The following ANKRD55 variants were observed in gnomAD, a reference collection of about 807,000 sequenced individuals.
ANKRD55 encodes the protein ankyrin repeat domain-containing protein 55.
A neutral mutation model predicts 60.6 loss-of-function variants in ANKRD55; 41 were observed. The ratio of observed to expected loss-of-function variants is 0.68; its 90% CI spans 0.53 to 0.88. The LOEUF (loss-of-function observed/expected upper bound fraction) is 0.88. ANKRD55 is among the 40% of genes least tolerant of loss of function. The pLI, the probability that ANKRD55 is intolerant of heterozygous loss-of-function variation, is 0.00. For missense variants in ANKRD55, 732 were observed against 767.6 expected, an observed-to-expected ratio of 0.95 and a Z score of 0.55; for synonymous variants, 264 against 290.3, an observed-to-expected ratio of 0.91 and a Z score of 0.92.
At chr5:56,205,534 G>A (rs1759480562) in intron 2 of ANKRD55, among the ~76,000 whole-genome samples, 1 of 152,178 alleles carries the variant, frequency 6.6e-6, no homozygotes. Context: ...AACCCATCTT[G>A]GCAGTGTTCT....
chr5:56,155,897 C>CAT (rs1378334416), intron 6 of ANKRD55, among the ~76,000 whole-genome samples: 10 of 150,094 alleles, frequency 6.7e-5, no homozygotes, highest in South Asian at 2.1e-4. Context: ...TATACAGATA[C>CAT]ATATATATAC....
chr5:56,173,541 C>CCT (rs71578616), intron 4 of ANKRD55, among the ~76,000 whole-genome samples: 687 of 61,484 alleles, frequency 0.011, 9 homozygotes, highest in African/African-American at 0.015. Flanking sequence ...TAGAGATTCG[C>CCT]CTCTCTCTCT....
chr5:56,176,260 C>A lies in ANKRD55; in HGVS notation c.204G>T (p.Ala68=). ...CTGTGTCCGCTTGACGTCCAGAAAC[C>A]GCATGCATCAAGGGCGTGCATCCTG... ...DSEGCTPLMH[A]VSGRQADTVK... Residue 68 remains alanine (A), a synonymous_variant, in exon 4 of 12, where the codon GCG becomes GCT. Coordinates refer to ENST00000341048, the MANE Select transcript of ANKRD55 (RefSeq NM_024669.3). The A allele has an allele frequency of 1.2e-6, 2 of 1,614,204 alleles. No homozygotes were observed. Among genetic ancestry groups the A allele is most frequent in the Non-Finnish European group, 1.7e-6 (2 of 1,180,042 alleles).
chr5:56,161,453 A>T (rs1758327304), intron 5 of ANKRD55, among the ~76,000 whole-genome samples: 1 of 152,268 alleles, frequency 6.6e-6, no homozygotes, highest in Non-Finnish European at 1.5e-5. Context: ...TCAGATTGGA[A>T]GACATCTAAA....
chr5:56,167,469 G>T (rs1466455572), intron 5 of ANKRD55, among the ~76,000 whole-genome samples: 1 of 152,184 alleles, frequency 6.6e-6, no homozygotes, highest in East Asian at 1.9e-4. Context: ...GACTCTATTT[G>T]ATTTGCTGTA....
Position 56,143,821 on chromosome 5 carries a change from C to T in ANKRD55, c.592G>A (p.Ala198Thr), listed in dbSNP as rs751710930. The change falls in exon 7 of 12, where the codon GCT (alanine) becomes ACT (threonine). Residue 198 changes from alanine to threonine, a missense_variant. By Grantham distance (58) the Ala-to-Thr change is moderately conservative (BLOSUM62 0). Coordinates refer to ENST00000341048, the MANE Select transcript of ANKRD55 (RefSeq NM_024669.3). Reference sequence around the variant, plus strand: ...CTCACCTGGACTGCCCAGTGGAGAGCGGTTTTAAAGTCTTTATCCACAAGG... The same window carrying T: ...CTCACCTGGACTGCCCAGTGGAGAGTGGTTTTAAAGTCTTTATCCACAAGG... Reference protein sequence around the residue: ...PTLVDKDFKTALHWAVQSGNR... With the variant: ...PTLVDKDFKTTLHWAVQSGNR... 29 of 1,614,010 alleles carry T rather than the reference C, an allele frequency of 1.8e-5. No homozygotes were observed. Among genetic ancestry groups the T allele is most frequent in the Admixed American group, 1.2e-4 (7 of 59,984 alleles).
chr5:56,225,175 C>A (rs1172019858), intron 2 of ANKRD55, among the ~76,000 whole-genome samples: 1 of 152,172 alleles, frequency 6.6e-6, no homozygotes, highest in African/African-American at 2.4e-5. Context: ...AAGGCTGCTT[C>A]AACATACACA....
intron 5 of ANKRD55, among the ~76,000 whole-genome samples, chr5:56,165,906 G>A (rs772865843): frequency 2.0e-5 from 3 of 151,984 alleles, no homozygotes; most frequent in Non-Finnish European, 4.4e-5. Context: ...TCCAGCCTGG[G>A]CAACAAGAGT....
chr5:56,122,325 A>G (rs1009163405), intron 8 of ANKRD55, among the ~76,000 whole-genome samples: 2 of 152,040 alleles, frequency 1.3e-5, no homozygotes, highest in Non-Finnish European at 2.9e-5. Context: ...AAGGTACTGG[A>G]CGTTTGATTC....
In ANKRD55 at chr5:56,099,864, A is replaced by G. The variant is rs1237305679; in HGVS notation, c.*319T>C. Reference sequence around the variant, plus strand: ...CATTCAGCAAAAAAACAACCAAAGAACAATAACAAAAAAACAGTGCACATG... The same window carrying G: ...CATTCAGCAAAAAAACAACCAAAGAGCAATAACAAAAAAACAGTGCACATG... On this transcript the variant is annotated 3_prime_UTR_variant, in exon 12 of 12. Coordinates refer to ENST00000341048, the MANE Select transcript of ANKRD55 (RefSeq NM_024669.3). 1 of 189,100 alleles carries G rather than the reference A, an allele frequency of 5.3e-6. No homozygotes were observed. Among genetic ancestry groups the G allele is most frequent in the Non-Finnish European group, 1.1e-5 (1 of 92,176 alleles). The allele number at this position is 189,100 out of a possible 1,614,324, so 11.7% of individuals were successfully genotyped here.
At chr5:56,154,200 C>CAAAAAA (rs367809782) in intron 6 of ANKRD55, among the ~76,000 whole-genome samples, 3 of 64,308 alleles carry the variant, frequency 4.7e-5, no homozygotes, top group African/African-American at 1.9e-4. Flanking sequence ...GACTCTGTCT[C>CAAAAAA]AAAAAAAAAA....
intron 2 of ANKRD55, among the ~76,000 whole-genome samples, chr5:56,189,948 A>G (rs1429639395): frequency 1.3e-5 from 2 of 152,210 alleles, no homozygotes; most frequent in East Asian, 3.8e-4. Flanking sequence ...AAAGTGCACA[A>G]GAGTTTCAAT....
chr5:56,205,066 T>TTC (rs1457616679), intron 2 of ANKRD55, among the ~76,000 whole-genome samples: 2 of 151,718 alleles, frequency 1.3e-5, no homozygotes, highest in African/African-American at 4.8e-5. Context: ...TTTTCTTTCT[T>TTC]TTTTTTTCTT....
chr5:56,204,423 C>T (rs551299509), intron 2 of ANKRD55, among the ~76,000 whole-genome samples: 39 of 152,230 alleles, frequency 2.6e-4, no homozygotes, highest in African/African-American at 9.1e-4. Context: ...TGAATGGTAT[C>T]GCCTAGGTTT....
intron 2 of ANKRD55, among the ~76,000 whole-genome samples, chr5:56,199,435 T>C (rs896679408): frequency 1.3e-5 from 2 of 152,208 alleles, no homozygotes; most frequent in African/African-American, 4.8e-5. Context: ...GTGTTATGAA[T>C]GGTTTAAAAA....
chr5:56,118,418 G>T (rs999465087), intron 8 of ANKRD55, among the ~76,000 whole-genome samples: 5 of 152,132 alleles, frequency 3.3e-5, no homozygotes, highest in Admixed American at 2.6e-4. Flanking sequence ...AAGGTCAGGA[G>T]ATCGAGACCA....
chr5:56,166,099 T>TTTCTTTCTTTCTTTC (rs1367895381), intron 5 of ANKRD55, among the ~76,000 whole-genome samples: 2,457 of 37,980 alleles, frequency 0.065, 168 homozygotes, highest in Admixed American at 0.099. Flanking sequence ...TCTTTCTTTC[T>TTTCTTTCTTTCTTTC]TTCTTTCTTT....
At chr5:56,213,024 C>T (rs537405640) in intron 2 of ANKRD55, among the ~76,000 whole-genome samples, 1 of 152,162 alleles carries the variant, frequency 6.6e-6, no homozygotes, top group African/African-American at 2.4e-5. Context: ...TGGTGTTCTA[C>T]CTTCTGAGAC....
chr5:56,121,518 G>C (rs568533690), intron 8 of ANKRD55, among the ~76,000 whole-genome samples: 8 of 151,632 alleles, frequency 5.3e-5, no homozygotes, highest in African/African-American at 1.9e-4. Flanking sequence ...GACTACAGGC[G>C]CCCGCCACCA....
Sources: allele counts gnomAD v4.1 joint callset (sites outside exome capture counted in the v4.1 genomes callset), GRCh38; gene constraint gnomAD v4.1.1; transcripts MANE v1.5; gene names NCBI Gene and HGNC (gene_info 2026-07-23, HGNC 2026-07-21).